RASGRF1: variants seen among roughly 807,000 people sequenced by gnomAD.
The protein encoded by RASGRF1 is ras-specific guanine nucleotide-releasing factor 1.
RASGRF1 carries 40 observed loss-of-function variants against 138.7 expected under a neutral mutation model. The ratio of observed to expected loss-of-function variants is 0.29; its 90% CI spans 0.22 to 0.38. The LOEUF (loss-of-function observed/expected upper bound fraction) is 0.38, where lower values mean the gene tolerates loss of function less well. Ranked by LOEUF, RASGRF1 falls within the 10% of genes least tolerant of loss-of-function variation. The pLI, the probability that RASGRF1 is intolerant of heterozygous loss-of-function variation, is 1.00. For missense variants in RASGRF1, 1,108 were observed against 1,650.4 expected, an observed-to-expected ratio of 0.67 and a Z score of 5.69; for synonymous variants, 614 against 663.2, an observed-to-expected ratio of 0.93 and a Z score of 1.14.
chr15:79,015,495 C>A, intron 12 of RASGRF1, 86 bp from the exon 13 acceptor site: 1 of 1,245,510 alleles, frequency 8.0e-7, no homozygotes, highest in Non-Finnish European at 1.2e-6. Flanking sequence ...GTAAAGTTCA[C>A]ATGCCTCAGT....
chr15:78,978,753 G>C lies in RASGRF1; in HGVS notation c.3494+1867C>G, dbSNP rs186413955. On this transcript the variant is annotated intron_variant, in intron 24 of 26. Transcript: ENST00000558480. ...TGAAAACCTTAGAGCCTCAGGAGAG[G>C]GGGTGCGGGAAGCATTTGCCCCAGG... is the stretch of plus-strand genomic sequence containing the variant. 2.7e-5 allele frequency: 30 copies of C among 1,118,506 alleles called. No homozygotes were observed. The African/African-American group carries it at 4.2e-4, about 16-fold the overall frequency. The allele number at this position is 1,118,506 out of a possible 1,614,324, so 69.3% of individuals were successfully genotyped here. A position where few individuals can be genotyped will look rare whatever the true frequency, so the allele number is the denominator to read the frequency against.
In RASGRF1 at chr15:79,006,824, C is replaced by G. The variant is rs2056685528; in HGVS notation, c.1827-390G>C. On this transcript the variant is annotated intron_variant, in intron 13 of 26. Coordinates refer to ENST00000558480, the MANE Select transcript of RASGRF1 (RefSeq NM_001145648.3). The surrounding 1 kb of genome is among the most constrained non-coding windows in gnomAD (Gnocchi z 4.0). ...GTCAGGAGCTCAAGACCAGCCTGGG[C>G]AACATGGCGAAACCCTGTCTCTCTT... is the stretch of plus-strand genomic sequence containing the variant. Among the ~76,000 whole-genome samples, 1 of 152,086 alleles carries G rather than the reference C, an allele frequency of 6.6e-6. No individual in the cohort carries two copies. Among genetic ancestry groups the G allele is most frequent in the East Asian group, 1.9e-4 (1 of 5,186 alleles).
chr15:79,010,759 T>C (rs1022536589), intron 13 of RASGRF1, among the ~76,000 whole-genome samples: 8 of 152,188 alleles, frequency 5.3e-5, no homozygotes. Context: ...TACCTGCTCT[T>C]GAGGCCACAT....
intron 10 of RASGRF1, among the ~76,000 whole-genome samples, chr15:79,022,759 C>G (rs908844892): frequency 6.6e-6 from 1 of 152,134 alleles, no homozygotes; most frequent in African/African-American, 2.4e-5. Context: ...AATTTGTGGC[C>G]ATGTGAACAT....
In RASGRF1 at chr15:78,998,797, G is replaced by A. The variant is rs1489860441; in HGVS notation, c.2775C>T (p.Asp925=). The A allele has an allele frequency of 1.2e-6, 2 of 1,614,088 alleles. No individual in the cohort carries two copies. ...CTGCTCTGCGGATCACAAACTCCTT[G>A]TCTCCATTCCTCTGGTCTGGGGGAA... ...AGFPPDQRNG[D]KEFVIRRAAT... The change falls in exon 18 of 27, where the codon GAC becomes GAT. Residue 925 remains aspartate, a synonymous_variant. Coordinates refer to ENST00000558480, the MANE Select transcript of RASGRF1 (RefSeq NM_001145648.3).
chr15:79,017,797 C>T lies in RASGRF1; in HGVS notation c.1716G>A (p.Lys572=). 1 of 1,611,858 alleles carries T rather than the reference C, an allele frequency of 6.2e-7. No homozygotes were observed. The highest frequency in any genetic ancestry group is 1.7e-5 in the Admixed American group (1 of 59,312). Residue 572 remains lysine (K), a synonymous_variant, in exon 12 of 27, where the codon AAG becomes AAA. Coordinates refer to ENST00000558480, the MANE Select transcript of RASGRF1 (RefSeq NM_001145648.3). ...VILVASSRQE[K]AAWTSDISQC... is the part of the protein sequence containing the mutation. ...GGCTGATGTCACTGGTCCACGCTGC[C>T]TTCTCCTGTCTGGACGAGGCCACTA...
At chr15:79,054,703 G>C (rs374371452) in intron 3 of RASGRF1, among the ~76,000 whole-genome samples, 3 of 152,230 alleles carry the variant, frequency 2.0e-5, no homozygotes, top group African/African-American at 7.2e-5. Flanking sequence ...TGGACACACA[G>C]AGTCAGTAAT....
intron 21 of RASGRF1, 32 bp from the exon 22 acceptor site, chr15:78,990,305 G>C (rs1426953684): frequency 1.4e-6 from 2 of 1,464,948 alleles, no homozygotes; most frequent in Admixed American, 1.7e-5. Context: ...CCAGGTGGAG[G>C]GGGTGAGGTT....
rs747599261 is a variant in RASGRF1 at position 79,046,473 on chromosome 15, A to G, written c.878+273T>C. Reference sequence around the variant, plus strand: ...GTGGTGACAATCAACAATGTTTCCAAACATTCCTAAGTGTTCCCCACGGAG... The same window carrying G: ...GTGGTGACAATCAACAATGTTTCCAGACATTCCTAAGTGTTCCCCACGGAG... On this transcript the variant is annotated intron_variant, in intron 5 of 26. Coordinates refer to ENST00000558480, the MANE Select transcript of RASGRF1 (RefSeq NM_001145648.3). The surrounding 1 kb of genome is among the most constrained non-coding windows in gnomAD (Gnocchi z 5.3). Among the ~76,000 whole-genome samples the G allele has an allele frequency of 1.3e-5, 2 of 152,198 alleles. No individual in the cohort carries two copies. Among genetic ancestry groups the G allele is most frequent in the Non-Finnish European group, 2.9e-5 (2 of 68,032 alleles).
At chr15:79,074,658 C>T (rs1185957712) in intron 1 of RASGRF1, among the ~76,000 whole-genome samples, 3 of 152,226 alleles carry the variant, frequency 2.0e-5, no homozygotes, top group Admixed American at 6.5e-5. Context: ...CAGGGATTCA[C>T]AGAACCATCG....
At position 78,961,883 on chromosome 15, in the gene RASGRF1, G is replaced by C; in HGVS notation, c.*261C>G. 2 of 387,088 alleles carry C rather than the reference G, an allele frequency of 5.2e-6. No individual in the cohort carries two copies. The highest frequency in any genetic ancestry group is 6.5e-5 in the South Asian group (2 of 30,936). 24.0% of individuals were successfully genotyped at this position (387,088 alleles called of 1,614,324 possible). On this transcript the variant is annotated 3_prime_UTR_variant, in exon 27 of 27. Transcript: ENST00000558480. ...GCTGTTTCCCCTCTGAGAAGAGTGA[G>C]GAGTCTAGGGAAGAGGGACCAAGAG...
At chr15:79,083,456 G>A (rs1235240201) in intron 1 of RASGRF1, among the ~76,000 whole-genome samples, 1 of 152,246 alleles carries the variant, frequency 6.6e-6, no homozygotes, top group African/African-American at 2.4e-5. Context: ...GGATTGTGGG[G>A]TGTGGATGCC....
intron 2 of RASGRF1, 133 bp downstream of exon 2, chr15:79,064,287 A>C: frequency 9.9e-6 from 8 of 807,674 alleles, no homozygotes; most frequent in Non-Finnish European, 1.6e-5. Context: ...GACCCTGCCA[A>C]GAGATGCTTC....
At chr15:79,041,275 A>T (rs1187715050) in intron 5 of RASGRF1, among the ~76,000 whole-genome samples, 1 of 152,238 alleles carries the variant, frequency 6.6e-6, no homozygotes, top group Non-Finnish European at 1.5e-5. Flanking sequence ...AGTCTAAATC[A>T]TTTGCTATCT....
intron 5 of RASGRF1, among the ~76,000 whole-genome samples, chr15:79,039,885 T>G (rs71409208): frequency 0.052 from 7,977 of 152,192 alleles, 287 homozygotes; most frequent in East Asian, 0.18. Context: ...TCTTCCCACC[T>G]TAGCCTCCTG....
intron 20 of RASGRF1, 100 bp from the exon 21 acceptor site, chr15:78,991,894 G>T: frequency 1.2e-6 from 1 of 849,418 alleles, no homozygotes. Flanking sequence ...CCTCGAATTG[G>T]GTGGGCGGGT....
At chr15:78,994,382 GAGGGGC>G (rs1427004029) in intron 20 of RASGRF1, among the ~76,000 whole-genome samples, 2 of 152,216 alleles carry the variant, frequency 1.3e-5, no homozygotes, top group East Asian at 3.9e-4. Context: ...GGGAACATGG[GAGGGGC>G]AGGGGCAGCA....
rs1178321563 is a variant in RASGRF1 at position 79,001,778 on chromosome 15, A to G, written c.2459T>C (p.Val820Ala). The G allele has an allele frequency of 6.7e-7, 1 of 1,486,264 alleles. No homozygotes were observed. Among genetic ancestry groups the G allele is most frequent in the East Asian group, 2.5e-5 (1 of 40,490 alleles). The allele number at this position is 1,486,264 out of a possible 1,614,324, so 92.1% of individuals were successfully genotyped here. A position where few individuals can be genotyped will look rare whatever the true frequency, so the allele number is the denominator to read the frequency against. ...PSALSKQSSE[V>A]SMREESDIDQ... ...AATATCTGACTCCTCTCTCATGGAG[A>G]CTTCTGAGCCTGGGAGAAAAGAAAT... The change falls in exon 16 of 27, where the codon GTC (valine) becomes GCC (alanine). Residue 820 changes from valine to alanine, a missense_variant. By Grantham distance (64) the Val-to-Ala change is moderately conservative. This residue lies in a region of RASGRF1 where 686 missense variants were observed against 976.7 expected (regional missense o/e 0.70). Coordinates refer to ENST00000558480, the MANE Select transcript of RASGRF1 (RefSeq NM_001145648.3).
At chr15:78,993,563 A>C (rs1160889411) in intron 20 of RASGRF1, among the ~76,000 whole-genome samples, 1 of 152,036 alleles carries the variant, frequency 6.6e-6, no homozygotes, top group Non-Finnish European at 1.5e-5. Flanking sequence ...GGTTGTAGTG[A>C]GAGAACCCAG....
Sources: gnomAD v4.1 joint callset for allele counts (sites outside exome capture counted in the v4.1 genomes callset) on GRCh38, gnomAD v4.1.1 for gene constraint, gnomAD v4.1.1 regional missense constraint, Gnocchi (gnomAD v3.1) non-coding constraint, MANE v1.5 for transcripts, NCBI Gene and HGNC (gene_info 2026-07-23, HGNC 2026-07-21) for gene names.